JAM3: variants seen among roughly 807,000 people sequenced by gnomAD.
JAM3 encodes the protein junctional adhesion molecule C.
JAM3 carries 31 observed loss-of-function variants against 39.4 expected under a neutral mutation model. That is an observed-to-expected ratio of 0.79 (90% CI 0.59 to 1.06). The LOEUF is 1.06. JAM3 is among the 50% of genes least tolerant of loss of function. JAM3 has a pLI of 0.00. For missense variants in JAM3, 455 were observed against 391.4 expected (o/e 1.16, Z -1.37); for synonymous variants, 182 against 148.7 (o/e 1.22, Z -1.63).
intron 1 of JAM3, among the ~76,000 whole-genome samples, chr11:134,089,448 C>A (rs1189977810): frequency 2.0e-5 from 3 of 152,102 alleles, no homozygotes; most frequent in African/African-American, 7.2e-5. Flanking sequence ...TCTCCAAATG[C>A]TATCCCCCCA....
chr11:134,135,687 T>C (rs1262733580), intron 1 of JAM3, among the ~76,000 whole-genome samples: 3 of 151,962 alleles, frequency 2.0e-5, no homozygotes, highest in African/African-American at 4.8e-5. Context: ...ACAGGTGTGA[T>C]GCCCGGCTAA....
rs1192012654 is a variant in JAM3, at chr11:134,151,960, G to C, written c.*2779G>C. On this transcript the variant is annotated 3_prime_UTR_variant, in exon 9 of 9. Transcript: ENST00000299106. ...CCACCTGTGTTGCGGTTCCCACTTG[G>C]GATGGCAGTGGGCAGATCTCAGTGG... 1 of 151,988 alleles carries C rather than the reference G, an allele frequency of 6.6e-6. No individual in the cohort carries two copies. The highest frequency in any genetic ancestry group is 1.5e-5 in the Non-Finnish European group (1 of 68,026). The allele number at this position is 151,988 out of a possible 1,614,324, so 9.4% of individuals were successfully genotyped here.
chr11:134,139,710 G>A (rs1309131912), intron 1 of JAM3, 141 bp from the exon 2 acceptor site: 6 of 715,530 alleles, frequency 8.4e-6, no homozygotes, highest in Non-Finnish European at 1.5e-5. Flanking sequence ...GCTTACCTAA[G>A]AGACTTTATT....
chr11:134,103,906 T>C (rs1325596248), intron 1 of JAM3, among the ~76,000 whole-genome samples: 1 of 152,108 alleles, frequency 6.6e-6, no homozygotes, highest in Non-Finnish European at 1.5e-5. Context: ...CACACAATAA[T>C]AATGGGAGAC....
Position 134,073,666 on chromosome 11 carries a change from G to T in JAM3, c.76+4507G>T, listed in dbSNP as rs142442069. Reference sequence around the variant, plus strand: ...GTAAAACATCGCCAGTCCTTAAAGAGCCAGGGTAATTGACTCCGATTTACA... The same window carrying T: ...GTAAAACATCGCCAGTCCTTAAAGATCCAGGGTAATTGACTCCGATTTACA... On this transcript the variant is annotated intron_variant, in intron 1 of 8. Transcript: ENST00000299106. Among the ~76,000 whole-genome samples the T allele has an allele frequency of 3.2e-4, 49 of 152,306 alleles. No individual in the cohort carries two copies. In the East Asian group the frequency reaches 8.9e-3, roughly 28 times the overall value.
intron 2 of JAM3, 36 bp from the exon 3 acceptor site, chr11:134,140,621 A>G (rs769439388): frequency 1.3e-6 from 2 of 1,539,454 alleles, no homozygotes; most frequent in African/African-American, 2.7e-5. Context: ...AGCACTCCAC[A>G]TTCACCGAGA....
intron 1 of JAM3, among the ~76,000 whole-genome samples, chr11:134,104,786 C>A (rs551562972): frequency 6.6e-6 from 1 of 152,002 alleles, no homozygotes; most frequent in East Asian, 1.9e-4. Context: ...ACACATACAC[C>A]CTCCCAAGAC....
At chr11:134,071,448 C>T (rs1941482856) in intron 1 of JAM3, among the ~76,000 whole-genome samples, 1 of 152,164 alleles carries the variant, frequency 6.6e-6, no homozygotes, top group South Asian at 2.1e-4. Flanking sequence ...AAGTTTTCAA[C>T]ACTATGTGGT....
chr11:134,099,173 C>T (rs540994926), intron 1 of JAM3, among the ~76,000 whole-genome samples: 7 of 152,128 alleles, frequency 4.6e-5, no homozygotes, highest in African/African-American at 1.7e-4. Flanking sequence ...TGTACTCCAG[C>T]CTCAGTGACA....
intron 1 of JAM3, among the ~76,000 whole-genome samples, chr11:134,097,231 G>C (rs1479437086): frequency 1.3e-5 from 2 of 152,180 alleles, no homozygotes; most frequent in Non-Finnish European, 2.9e-5. Context: ...TCAATAGTTT[G>C]AACTTTCCTT....
chr11:134,116,256 C>T (rs1031623012), intron 1 of JAM3, among the ~76,000 whole-genome samples: 3 of 152,100 alleles, frequency 2.0e-5, no homozygotes, highest in African/African-American at 7.2e-5. Flanking sequence ...AAAGTTTTTT[C>T]ATGAATATTG....
At chr11:134,103,996 C>T (rs1461620316) in intron 1 of JAM3, among the ~76,000 whole-genome samples, 1 of 152,182 alleles carries the variant, frequency 6.6e-6, no homozygotes. Context: ...CTCAGCTCTG[C>T]ACCAAGCGGA....
rs567495403 is a variant in JAM3, at chr11:134,125,702, C to G, written c.77-14149C>G. 2.6e-5 allele frequency among the ~76,000 whole-genome samples: 4 copies of G among 152,204 alleles called. No individual in the cohort carries two copies. The South Asian group carries it at 8.3e-4, about 32-fold the overall frequency. On this transcript the variant is annotated intron_variant, in intron 1 of 8. Transcript: ENST00000299106. ...GAGACGCAGCACAGAATGTGAGCCC[C>G]GACAATACTCAGGAGAATGTACAGC...
chr11:134,070,534 G>C (rs1941469623), intron 1 of JAM3, among the ~76,000 whole-genome samples: 1 of 152,188 alleles, frequency 6.6e-6, no homozygotes, highest in South Asian at 2.1e-4. Context: ...TGTATACTTT[G>C]CCTGAAAGTG....
At chr11:134,120,484 C>CATTAATTAATTTAATTA (rs1458530787) in intron 1 of JAM3, among the ~76,000 whole-genome samples, 2 of 152,138 alleles carry the variant, frequency 1.3e-5, no homozygotes, top group Non-Finnish European at 2.9e-5. Flanking sequence ...GAGTATAAAC[C>CATTAATTAATTTAATTA]CAAATTAATT....
In JAM3 at chr11:134,140,702, C is replaced by T. The variant is rs781467551; in HGVS notation, c.188C>T (p.Pro63Leu). 1 of 1,613,610 alleles carries T rather than the reference C, an allele frequency of 6.2e-7. No homozygotes were observed. The highest frequency in any genetic ancestry group is 1.1e-5 in the South Asian group (1 of 91,048). ...ATTACGGATTCGCAGACAAGTGACC[C>T]CAGGATCGAGTGGAAGAAAATTCAA... Reference protein sequence around the residue: ...CIITDSQTSDPRIEWKKIQDE... With the variant: ...CIITDSQTSDLRIEWKKIQDE... The change falls in exon 3 of 9, where the codon CCC (proline) becomes CTC (leucine). Residue 63 changes from proline (P) to leucine (L), a missense_variant. Transcript: ENST00000299106.
rs1942145000 is a variant in JAM3, at chr11:134,104,612, CAAG to C, written c.77-35237_77-35235del. ...ATCAACAAAATTGATAGACCGCTAG[CAAG>C]ACTAATAAGAAAAGAGAGAAGAATC... On this transcript the variant is annotated intron_variant, in intron 1 of 8. Transcript: ENST00000299106. Among the ~76,000 whole-genome samples, 4 of 151,948 alleles carry C rather than the reference CAAG, an allele frequency of 2.6e-5. No homozygotes were observed. The South Asian group carries it at 8.3e-4, about 32-fold the overall frequency.
intron 1 of JAM3, among the ~76,000 whole-genome samples, chr11:134,132,716 A>G (rs1942790884): frequency 6.6e-6 from 1 of 152,120 alleles, no homozygotes; most frequent in Non-Finnish European, 1.5e-5. Context: ...TGCCAGGAGT[A>G]TGGGGGGATT....
chr11:134,149,549 C>A lies in JAM3; in HGVS notation c.*368C>A. The stretch of plus-strand genomic sequence containing the variant: ...GCCAGCATGTTCACCACTGGTCGTT[C>A]AGCAGCCACGACAGCACCATGTGAG... On this transcript the variant is annotated 3_prime_UTR_variant, in exon 9 of 9. Coordinates refer to ENST00000299106, the MANE Select transcript of JAM3 (RefSeq NM_032801.5). 1 of 489,632 alleles carries A rather than the reference C, an allele frequency of 2.0e-6. No homozygotes were observed. Among genetic ancestry groups the A allele is most frequent in the South Asian group, 1.5e-5 (1 of 64,526 alleles). The allele number at this position is 489,632 out of a possible 1,614,324, so 30.3% of individuals were successfully genotyped here.
Sources: allele counts gnomAD v4.1 joint callset (sites outside exome capture counted in the v4.1 genomes callset), GRCh38; gene constraint gnomAD v4.1.1; transcripts MANE v1.5; gene names NCBI Gene and HGNC (gene_info 2026-07-23, HGNC 2026-07-21).